Variants in GIPC2 observed in about 807,000 individuals in gnomAD.
The protein encoded by GIPC2 is PDZ domain-containing protein GIPC2.
In GIPC2, 30 loss-of-function variants were observed where a neutral mutation model predicts 30.6. The ratio of observed to expected loss-of-function variants is 0.98; its 90% confidence interval spans 0.73 to 1.33. The LOEUF (loss-of-function observed/expected upper bound fraction) is 1.33, where lower values mean the gene tolerates loss of function less well. Ranked by LOEUF, GIPC2 falls within the 40% of genes most tolerant of loss-of-function variation. The pLI is 0.00. For synonymous variants in GIPC2, 167 were observed against 150.0 expected (o/e 1.11, Z -0.83); for missense variants, 414 against 390.3 (o/e 1.06, Z -0.51).
intron 3 of GIPC2, among the ~76,000 whole-genome samples, chr1:78,107,112 C>T (rs1383319365): frequency 1.3e-5 from 2 of 149,104 alleles, no homozygotes; most frequent in Non-Finnish European, 3.0e-5. Context: ...CTTTCTTTCC[C>T]TACCTTTTTC....
intron 1 of GIPC2, among the ~76,000 whole-genome samples, chr1:78,058,785 T>A (rs1453039651): frequency 1.3e-5 from 2 of 152,222 alleles, no homozygotes; most frequent in African/African-American, 4.8e-5. Flanking sequence ...CCTTTTTTCC[T>A]GCATAACAAA....
chr1:78,117,885 C>T (rs1337660384), intron 3 of GIPC2, among the ~76,000 whole-genome samples: 1 of 152,044 alleles, frequency 6.6e-6, no homozygotes, highest in Non-Finnish European at 1.5e-5. Flanking sequence ...ATTTAAAAAT[C>T]CGGAGATGCA....
In GIPC2 at chr1:78,046,347, G is replaced by GT; in HGVS notation, c.240+14dup. ...CTCGCCGTCGGAGGTAAGGCGCCAG[G>GT]TGCTCAGGCTCTCCCGCCTCTCCGC... On this transcript the variant is annotated intron_variant, in intron 1 of 5. Coordinates refer to ENST00000370759, the MANE Select transcript of GIPC2 (RefSeq NM_017655.6). The GT allele has an allele frequency of 6.2e-7, 1 of 1,601,614 alleles. No homozygotes were observed. Among genetic ancestry groups the GT allele is most frequent in the South Asian group, 1.1e-5 (1 of 90,246 alleles).
chr1:78,132,140 C>T (rs1368454846), intron 5 of GIPC2, among the ~76,000 whole-genome samples: 3 of 152,192 alleles, frequency 2.0e-5, no homozygotes, highest in South Asian at 2.1e-4. Flanking sequence ...AATTATTAAA[C>T]TTAGAATCCT....
intron 1 of GIPC2, among the ~76,000 whole-genome samples, chr1:78,051,902 C>A (rs1571470827): frequency 6.6e-6 from 1 of 152,204 alleles, no homozygotes; most frequent in African/African-American, 2.4e-5. Context: ...TGTATTACCA[C>A]CTCATTTCTC....
At chr1:78,098,911 G>T (rs561476313) in intron 3 of GIPC2, among the ~76,000 whole-genome samples, 141 of 152,216 alleles carry the variant, frequency 9.3e-4, no homozygotes, top group South Asian at 7.3e-3. Flanking sequence ...TGAACTTCTG[G>T]CCTCTAGAAC....
chr1:78,100,550 A>T (rs812097), intron 3 of GIPC2, among the ~76,000 whole-genome samples: 1 of 152,018 alleles, frequency 6.6e-6, no homozygotes, highest in African/African-American at 2.4e-5. Context: ...AGAAATAGAT[A>T]TGGGCGAGGA....
At chr1:78,045,894 C>T (rs1465086469), upstream of GIPC2, 44 of 1,327,216 alleles carry the variant, frequency 3.3e-5, no homozygotes, top group Non-Finnish European at 3.9e-5. Flanking sequence ...AGATCCATCC[C>T]GGGGGAGGCT....
chr1:78,057,603 G>A (rs1321671422), intron 1 of GIPC2, among the ~76,000 whole-genome samples: 1 of 152,152 alleles, frequency 6.6e-6, no homozygotes, highest in Non-Finnish European at 1.5e-5. Context: ...AATAAAAGGT[G>A]TGTACCATGT....
chr1:78,060,824 T>TATAG (rs549266142), intron 1 of GIPC2, among the ~76,000 whole-genome samples: 40 of 151,746 alleles, frequency 2.6e-4, no homozygotes, highest in East Asian at 9.7e-4. Context: ...TGTGTGTGTA[T>TATAG]ATAGATAGAT....
chr1:78,133,368 G>T (rs1218664872), intron 5 of GIPC2, among the ~76,000 whole-genome samples: 1 of 152,170 alleles, frequency 6.6e-6, no homozygotes, highest in Non-Finnish European at 1.5e-5. Flanking sequence ...AGTTGAAAAT[G>T]CAGAATCTCA....
At chr1:78,045,723 A>T (rs1398437346), upstream of GIPC2, 2 of 985,332 alleles carry the variant, frequency 2.0e-6, no homozygotes, top group African/African-American at 3.5e-5. Flanking sequence ...CCTACTACAG[A>T]TTTATGAAAA....
intron 4 of GIPC2, among the ~76,000 whole-genome samples, chr1:78,124,377 A>G (rs1021119265): frequency 5.3e-5 from 8 of 152,208 alleles, no homozygotes; most frequent in Non-Finnish European, 7.3e-5. Flanking sequence ...TTTATAATCT[A>G]TACAATATAT....
At chr1:78,070,721 G>A (rs934192253) in intron 1 of GIPC2, among the ~76,000 whole-genome samples, 1 of 152,132 alleles carries the variant, frequency 6.6e-6, no homozygotes, top group African/African-American at 2.4e-5. Flanking sequence ...TAAAGAAAGT[G>A]TTCTTTTGGT....
At chr1:78,112,347 GA>G in intron 3 of GIPC2, 1 of 500,498 alleles carries the variant, frequency 2.0e-6, no homozygotes, top group South Asian at 1.5e-5. Context: ...GTGCTCCAAG[GA>G]AGTGTGATCC....
At chr1:78,091,660 T>G (rs557210752) in intron 2 of GIPC2, 1 of 772,630 alleles carries the variant, frequency 1.3e-6, no homozygotes, top group Non-Finnish European at 2.4e-6. Context: ...GGCATATGGA[T>G]CTTATTCAGT....
chr1:78,100,477 C>T (rs1207499434), intron 3 of GIPC2, among the ~76,000 whole-genome samples: 1 of 152,080 alleles, frequency 6.6e-6, no homozygotes, highest in Non-Finnish European at 1.5e-5. Context: ...AAATGATGAC[C>T]TCAGATTTGT....
At chr1:78,122,706 G>A (rs561330442) in intron 4 of GIPC2, among the ~76,000 whole-genome samples, 1 of 152,288 alleles carries the variant, frequency 6.6e-6, no homozygotes, top group South Asian at 2.1e-4. Context: ...TGGGATTTGG[G>A]TGGGCACACA....
chr1:78,090,002 C>A (rs112969343), intron 2 of GIPC2, among the ~76,000 whole-genome samples: 1 of 152,082 alleles, frequency 6.6e-6, no homozygotes, highest in African/African-American at 2.4e-5. Flanking sequence ...ATTTTCACAT[C>A]ATAAATCTTC....
Sources: gnomAD v4.1 joint callset for allele counts (sites outside exome capture counted in the v4.1 genomes callset) on GRCh38, gnomAD v4.1.1 for gene constraint, MANE v1.5 for transcripts, NCBI Gene and HGNC (gene_info 2026-07-23, HGNC 2026-07-21) for gene names.